SLC36A3: variants seen among roughly 807,000 people sequenced by gnomAD.
SLC36A3 encodes the protein solute carrier family 36 member 3, also known as proton-coupled amino acid transporter 3.
SLC36A3 carries 35 observed loss-of-function variants against 44.3 expected under a neutral mutation model. The ratio of observed to expected loss-of-function variants is 0.79; its 90% confidence interval spans 0.60 to 1.05. The LOEUF is 1.05. SLC36A3 is among the 50% of genes least tolerant of loss of function. The probability of loss-of-function intolerance (pLI) is 0.00; values close to 1 mark genes in which losing one functional copy is unlikely to be tolerated. For missense variants in SLC36A3, 540 were observed against 578.7 expected (o/e 0.93, Z 0.69); for synonymous variants, 211 against 227.6 (o/e 0.93, Z 0.66).
In SLC36A3 at chr5:151,278,299, CCCCCAT is replaced by C. The variant is rs146694672; in HGVS notation, c.1145-644_1145-639del. ...ACAAAGACAGCATTAAGCTATCCAA[CCCCCAT>C]CCTTCTCTTCTCTTCACACTCCTAA... On this transcript the variant is annotated intron_variant, in intron 9 of 9. Coordinates refer to ENST00000335230, the MANE Select transcript of SLC36A3 (RefSeq NM_181774.4). Among the ~76,000 whole-genome samples the C allele has an allele frequency of 1.7e-4, 26 of 150,694 alleles. 1 individual carries two copies. In the South Asian group the frequency reaches 3.5e-3, roughly 20 times the overall value.
intron 1 of SLC36A3, among the ~76,000 whole-genome samples, chr5:151,302,577 TG>T (rs1391478543): frequency 5.0e-5 from 2 of 39,696 alleles, no homozygotes; most frequent in East Asian, 8.1e-4. Context: ...TGGTTGGGGG[TG>T]GGGGGCAGGG....
rs1754140499 is a variant in SLC36A3 at position 151,277,583 on chromosome 5, A to G, written c.1223T>C (p.Leu408Pro). 1 of 1,614,216 alleles carries G rather than the reference A, an allele frequency of 6.2e-7. No homozygotes were observed. Among genetic ancestry groups the G allele is most frequent in the Non-Finnish European group, 8.5e-7 (1 of 1,180,038 alleles). Residue 408 changes from leucine (L) to proline (P), a missense_variant, in exon 10 of 10, where the codon CTC (leucine) becomes CCC (proline). By Grantham distance (98) the Leu-to-Pro change is moderately conservative (BLOSUM62 -3). Coordinates refer to ENST00000335230, the MANE Select transcript of SLC36A3 (RefSeq NM_181774.4). ...GATCTCCAGGAGGGCTGGGATGATG[A>G]GAGCCAGGGCGCTGCTGCTCACGGA... Reference protein sequence around the residue: ...VGSVSSSALALIIPALLEIVI... With the variant: ...VGSVSSSALAPIIPALLEIVI...
rs1754109364 is a variant in SLC36A3 at position 151,276,858 on chromosome 5, G to C, written c.*535C>G. 1 of 157,134 alleles carries C rather than the reference G, an allele frequency of 6.4e-6. No homozygotes were observed. The highest frequency in any genetic ancestry group is 1.4e-5 in the Non-Finnish European group (1 of 70,726). The allele number at this position is 157,134 out of a possible 1,614,324, so 9.7% of individuals were successfully genotyped here. A position where few individuals can be genotyped will look rare whatever the true frequency, so the allele number is the denominator to read the frequency against. ...AGTTAGTCCAACTGTTCACTTCATA[G>C]ACTGAGAGATGGGGAGGAACTTGCC... On this transcript the variant is annotated 3_prime_UTR_variant, in exon 10 of 10. Transcript: ENST00000335230.
chr5:151,301,340 G>A (rs989106599), intron 1 of SLC36A3, among the ~76,000 whole-genome samples: 1 of 152,156 alleles, frequency 6.6e-6, no homozygotes, highest in African/African-American at 2.4e-5. Flanking sequence ...GGCTCCAGGA[G>A]TCTAAACCTC....
At chr5:151,299,222 TG>T (rs1248840804) in intron 1 of SLC36A3, among the ~76,000 whole-genome samples, 3 of 118,330 alleles carry the variant, frequency 2.5e-5, no homozygotes, top group Non-Finnish European at 3.5e-5. Flanking sequence ...GAATTGCTTG[TG>T]CGCTCTCTCT....
intron 1 of SLC36A3, among the ~76,000 whole-genome samples, chr5:151,301,752 C>T (rs1047530190): frequency 1.8e-4 from 26 of 142,410 alleles, no homozygotes; most frequent in South Asian, 4.6e-4. Context: ...AAAAAACCTC[C>T]AGTCTCTTGC....
intron 1 of SLC36A3, among the ~76,000 whole-genome samples, chr5:151,301,195 A>C (rs1045226596): frequency 6.6e-6 from 1 of 152,164 alleles, no homozygotes; most frequent in Non-Finnish European, 1.5e-5. Context: ...GAAGGAATTC[A>C]TTTCATGGTT....
At position 151,303,132 on chromosome 5, in the gene SLC36A3, G is replaced by C. The variant is rs1755221665; in HGVS notation, c.128+95C>G. On this transcript the variant is annotated intron_variant, in intron 1 of 9. Coordinates refer to ENST00000335230, the MANE Select transcript of SLC36A3 (RefSeq NM_181774.4). Reference sequence around the variant, plus strand: ...CACGCATATCGTGTTAATGGAATAAGCGTGTTAAGGAGATAGATGAAGGAA... The same window carrying C: ...CACGCATATCGTGTTAATGGAATAACCGTGTTAAGGAGATAGATGAAGGAA... 4 of 1,417,690 alleles carry C rather than the reference G, an allele frequency of 2.8e-6. No homozygotes were observed. In the Admixed American group the frequency reaches 9.0e-5, roughly 32 times the overall value. The allele number at this position is 1,417,690 out of a possible 1,614,324, so 87.8% of individuals were successfully genotyped here.
chr5:151,298,778 GAT>G (rs1268108558), intron 1 of SLC36A3, 95 bp from the exon 2 acceptor site: 5 of 1,288,780 alleles, frequency 3.9e-6, no homozygotes, highest in Non-Finnish European at 5.5e-6. Flanking sequence ...CAGAGCGCCT[GAT>G]AGGAAGAGGG....
At chr5:151,298,550 G>T (rs1380481913) in intron 2 of SLC36A3, 43 bp downstream of exon 2, 14 of 1,597,906 alleles carry the variant, frequency 8.8e-6, no homozygotes, top group Non-Finnish European at 1.0e-5. Context: ...ACCCCCTTCT[G>T]CAAATGAGCA....
intron 1 of SLC36A3, among the ~76,000 whole-genome samples, chr5:151,301,726 G>A (rs1427081860): frequency 1.3e-4 from 14 of 104,144 alleles, no homozygotes; most frequent in Admixed American, 5.3e-4. Context: ...GCAAGACTCC[G>A]TCTAAAAAAA....
intron 6 of SLC36A3, 49 bp downstream of exon 6, chr5:151,287,197 G>A: frequency 1.3e-6 from 2 of 1,584,306 alleles, no homozygotes; most frequent in Non-Finnish European, 1.7e-6. Flanking sequence ...TCCTCCCCAG[G>A]TGTTTCAGAG....
At chr5:151,283,948 C>T in intron 8 of SLC36A3, 96 bp downstream of exon 8, 1 of 1,429,854 alleles carries the variant, frequency 7.0e-7, no homozygotes, top group South Asian at 1.5e-5. Flanking sequence ...TGATGGATTA[C>T]CAGCTTCATG....
At chr5:151,287,674 A>T (rs1425713229) in intron 5 of SLC36A3, among the ~76,000 whole-genome samples, 1 of 152,142 alleles carries the variant, frequency 6.6e-6, no homozygotes, top group African/African-American at 2.4e-5. Flanking sequence ...AAATTGGGCA[A>T]CCCTGTCGGG....
At chr5:151,285,507 A>G (rs1580810058) in intron 6 of SLC36A3, among the ~76,000 whole-genome samples, 1 of 152,218 alleles carries the variant, frequency 6.6e-6, no homozygotes, top group South Asian at 2.1e-4. Flanking sequence ...ACTAGTTAGT[A>G]TAGCAGCTCT....
intron 3 of SLC36A3, among the ~76,000 whole-genome samples, chr5:151,293,760 G>C (rs573765196): frequency 1.3e-5 from 2 of 152,338 alleles, no homozygotes; most frequent in African/African-American, 4.8e-5. Context: ...TGGAGGGGGA[G>C]AGGAGGAGGG....
chr5:151,302,998 T>C (rs1169691314), intron 1 of SLC36A3, among the ~76,000 whole-genome samples: 1 of 152,162 alleles, frequency 6.6e-6, no homozygotes, highest in Non-Finnish European at 1.5e-5. Flanking sequence ...GCTGCTCATG[T>C]TGAGGGTGGC....
chr5:151,278,445 C>T (rs1754184210), intron 9 of SLC36A3, among the ~76,000 whole-genome samples: 1 of 150,758 alleles, frequency 6.6e-6, no homozygotes, highest in African/African-American at 2.4e-5. Flanking sequence ...TAATTTTATG[C>T]AAATTTATTA....
chr5:151,277,094 T>C lies in SLC36A3; in HGVS notation c.*299A>G. Reference sequence around the variant, plus strand: ...CTTTTGTATTTATGCTTGGTCTCTGTTTCAAGGGCTATTGGGGTAAGTGGC... The same window carrying C: ...CTTTTGTATTTATGCTTGGTCTCTGCTTCAAGGGCTATTGGGGTAAGTGGC... On this transcript the variant is annotated 3_prime_UTR_variant, in exon 10 of 10. Coordinates refer to ENST00000335230, the MANE Select transcript of SLC36A3 (RefSeq NM_181774.4). 3 of 396,872 alleles carry C rather than the reference T, an allele frequency of 7.6e-6. No individual in the cohort carries two copies. Among genetic ancestry groups the C allele is most frequent in the Non-Finnish European group, 9.1e-6 (2 of 219,580 alleles). The allele number at this position is 396,872 out of a possible 1,614,324, so 24.6% of individuals were successfully genotyped here.
Sources: allele counts gnomAD v4.1 joint callset (sites outside exome capture counted in the v4.1 genomes callset), GRCh38; gene constraint gnomAD v4.1.1; transcripts MANE v1.5; gene names NCBI Gene and HGNC (gene_info 2026-07-23, HGNC 2026-07-21).